The following CLASP2 variants were observed in gnomAD, a reference collection of about 807,000 sequenced individuals.
The protein encoded by CLASP2 is cytoplasmic linker associated protein 2.
Under a neutral mutation model 194.4 loss-of-function variants are expected in CLASP2, and 47 were observed. That is an observed-to-expected ratio of 0.24 (90% CI 0.19 to 0.31). CLASP2 has a LOEUF of 0.31. Ranked by LOEUF, CLASP2 falls within the 10% of genes least tolerant of loss-of-function variation. The pLI, the probability that CLASP2 is intolerant of heterozygous loss-of-function variation, is 1.00. For missense variants in CLASP2, 1,445 were observed against 1,823.6 expected (o/e 0.79, Z 3.78); for synonymous variants, 619 against 633.5 (o/e 0.98, Z 0.34).
At chr3:33,523,875 G>C (rs2053813954) in intron 34 of CLASP2, among the ~76,000 whole-genome samples, 1 of 152,016 alleles carries the variant, frequency 6.6e-6, no homozygotes, top group Non-Finnish European at 1.5e-5. Context: ...AAATTAAACT[G>C]GCATACATTT....
At chr3:33,717,493 C>G (rs1018743109) in intron 1 of CLASP2, among the ~76,000 whole-genome samples, 2 of 152,058 alleles carry the variant, frequency 1.3e-5, no homozygotes, top group Non-Finnish European at 2.9e-5. Context: ...GTGGCTCGAT[C>G]TCGGCTCACT....
At chr3:33,630,775 T>C (rs888585106) in intron 9 of CLASP2, among the ~76,000 whole-genome samples, 2 of 152,118 alleles carry the variant, frequency 1.3e-5, no homozygotes, top group African/African-American at 4.8e-5. Flanking sequence ...CTCCGTATAG[T>C]TGAATAGCCC....
intron 38 of CLASP2, among the ~76,000 whole-genome samples, 170 bp downstream of exon 38, chr3:33,501,482 T>C (rs1356477570): frequency 1.3e-5 from 2 of 152,096 alleles, no homozygotes; most frequent in Non-Finnish European, 1.5e-5. Flanking sequence ...ATCTAACAAA[T>C]GTTAGAGTAG....
chr3:33,603,681 G>T (rs976928046), intron 17 of CLASP2, among the ~76,000 whole-genome samples: 2 of 151,994 alleles, frequency 1.3e-5, no homozygotes, highest in African/African-American at 4.8e-5. Context: ...GGAGTGCAGT[G>T]GCGCGATCTC....
chr3:33,582,725 TC>T (rs2066431472), intron 22 of CLASP2, among the ~76,000 whole-genome samples: 1 of 151,928 alleles, frequency 6.6e-6, no homozygotes, highest in African/African-American at 2.4e-5. Flanking sequence ...TTTTCTCACC[TC>T]CTCACAAATG....
chr3:33,582,374 G>A (rs1175292690), intron 22 of CLASP2, among the ~76,000 whole-genome samples: 1 of 152,156 alleles, frequency 6.6e-6, no homozygotes. Context: ...AGGAAAAAAT[G>A]CCAGGTGCAG....
At chr3:33,566,062 C>T (rs1334577348) in intron 27 of CLASP2, among the ~76,000 whole-genome samples, 2 of 152,032 alleles carry the variant, frequency 1.3e-5, no homozygotes, top group Non-Finnish European at 2.9e-5. Flanking sequence ...TTATCCATAT[C>T]CAAAATTTAT....
chr3:33,631,458 G>A (rs1325153608), intron 9 of CLASP2, among the ~76,000 whole-genome samples: 2 of 152,182 alleles, frequency 1.3e-5, no homozygotes, highest in Non-Finnish European at 1.5e-5. Flanking sequence ...CACTTTGGGA[G>A]GCCAAGGTGG....
At chr3:33,604,284 T>A in intron 16 of CLASP2, 75 bp from the exon 17 acceptor site, 1 of 925,714 alleles carries the variant, frequency 1.1e-6, no homozygotes, top group Non-Finnish European at 1.7e-6. Context: ...AAAATACTAC[T>A]GAATTTTGTG....
At chr3:33,564,155 A>G (rs955591995) in intron 27 of CLASP2, among the ~76,000 whole-genome samples, 1 of 152,178 alleles carries the variant, frequency 6.6e-6, no homozygotes, top group Non-Finnish European at 1.5e-5. Flanking sequence ...ATTTTTATAC[A>G]GTCTTGTGTG....
At chr3:33,657,067 T>G (rs2084371259) in intron 7 of CLASP2, among the ~76,000 whole-genome samples, 1 of 152,174 alleles carries the variant, frequency 6.6e-6, no homozygotes, top group Non-Finnish European at 1.5e-5. Context: ...CTTCATTGTT[T>G]GAATTTTGAA....
At chr3:33,599,457 G>T (rs1390731019) in intron 18 of CLASP2, among the ~76,000 whole-genome samples, 1 of 152,106 alleles carries the variant, frequency 6.6e-6, no homozygotes, top group African/African-American at 2.4e-5. Context: ...TATACCAAGT[G>T]TCCACTGAAA....
chr3:33,711,945 C>A (rs2093033990), intron 1 of CLASP2, among the ~76,000 whole-genome samples: 1 of 152,076 alleles, frequency 6.6e-6, no homozygotes, highest in African/African-American at 2.4e-5. Flanking sequence ...CTCTGAAAAA[C>A]AGTATGGAGA....
chr3:33,623,270 A>G (rs551272492), intron 10 of CLASP2, among the ~76,000 whole-genome samples: 1 of 152,330 alleles, frequency 6.6e-6, no homozygotes, highest in East Asian at 1.9e-4. Context: ...CGTTAGGAAC[A>G]TTCCAATTCC....
intron 26 of CLASP2, among the ~76,000 whole-genome samples, chr3:33,569,061 A>T (rs2063294917): frequency 6.6e-6 from 1 of 152,186 alleles, no homozygotes; most frequent in South Asian, 2.1e-4. Context: ...AAAAAACAAA[A>T]ACCAAAATCA....
intron 3 of CLASP2, among the ~76,000 whole-genome samples, chr3:33,689,040 T>C (rs1339903428): frequency 6.6e-6 from 1 of 152,114 alleles, no homozygotes; most frequent in African/African-American, 2.4e-5. Flanking sequence ...ACCTTTACCC[T>C]TTACTAAATT....
chr3:33,656,502 G>T (rs1472510491), intron 7 of CLASP2, among the ~76,000 whole-genome samples: 6 of 152,136 alleles, frequency 3.9e-5, no homozygotes, highest in African/African-American at 9.7e-5. Flanking sequence ...TGAAAAGAAT[G>T]TAGGACAGCA....
intron 7 of CLASP2, among the ~76,000 whole-genome samples, chr3:33,660,272 T>C (rs2085078156): frequency 6.6e-6 from 1 of 152,220 alleles, no homozygotes; most frequent in South Asian, 2.1e-4. Context: ...TTTTCTTTCC[T>C]ACAGGGCTGG....
chr3:33,648,033 CA>C (rs34242586), intron 7 of CLASP2, among the ~76,000 whole-genome samples: 28,912 of 119,418 alleles, frequency 0.24, 2,972 homozygotes, highest in Admixed American at 0.38. Flanking sequence ...ATTCCGTCTG[CA>C]AAAAAAAAAA....
Sources: allele counts gnomAD v4.1 joint callset (sites outside exome capture counted in the v4.1 genomes callset), GRCh38; gene constraint gnomAD v4.1.1; transcripts MANE v1.5; gene names NCBI Gene and HGNC (gene_info 2026-07-23, HGNC 2026-07-21).